ATP8A2: variants seen among roughly 807,000 people sequenced by gnomAD.
ATP8A2 encodes phospholipid-transporting ATPase IB.
In ATP8A2, 100 loss-of-function variants were observed where a neutral mutation model predicts 165.6. That is an observed-to-expected ratio of 0.60 (90% CI 0.51 to 0.71). ATP8A2 has a LOEUF of 0.71. Among genes scored for constraint, ATP8A2 ranks in the 30% least tolerant of loss-of-function variants. ATP8A2 has a pLI of 0.00. For missense variants in ATP8A2, 1,227 were observed against 1,479.5 expected (o/e 0.83, Z 2.80); for synonymous variants, 543 against 548.8 (o/e 0.99, Z 0.15).
At chr13:25,867,676 G>A (rs1418101987) in intron 33 of ATP8A2, among the ~76,000 whole-genome samples, 2 of 152,164 alleles carry the variant, frequency 1.3e-5, no homozygotes, top group Non-Finnish European at 2.9e-5. Flanking sequence ...CTGCCACAGT[G>A]AGCGGGTCAG....
intron 24 of ATP8A2, among the ~76,000 whole-genome samples, chr13:25,615,270 G>T (rs1386871705): frequency 1.3e-5 from 2 of 152,164 alleles, no homozygotes; most frequent in Admixed American, 6.5e-5. Flanking sequence ...TTCCCAGGGG[G>T]ATTATGGCTG....
At chr13:25,551,651 A>G in intron 11 of ATP8A2, 148 bp downstream of exon 11, 1 of 670,886 alleles carries the variant, frequency 1.5e-6, no homozygotes, top group Non-Finnish European at 2.4e-6. Context: ...GAGAATTGAG[A>G]TTAGGATCAT....
rs1955834701 is a variant in ATP8A2 at position 25,968,501 on chromosome 13, G to A, written c.3273-74G>A. 5.2e-6 allele frequency: 7 copies of A among 1,336,564 alleles called. No individual in the cohort carries two copies. In the Admixed American group the frequency reaches 1.4e-4, roughly 26 times the overall value. 82.8% of individuals were successfully genotyped at this position (1,336,564 alleles called of 1,614,324 possible). On this transcript the variant is annotated intron_variant, in intron 34 of 36. Coordinates refer to ENST00000381655, the MANE Select transcript of ATP8A2 (RefSeq NM_016529.6). ...AAGGGCATTTGGCTGTGGCCTGAGA[G>A]GGGAGCGGCCTGTCTTTCCCAGCTG...
intron 24 of ATP8A2, among the ~76,000 whole-genome samples, chr13:25,599,676 C>T (rs1202815705): frequency 6.6e-6 from 1 of 152,120 alleles, no homozygotes; most frequent in Non-Finnish European, 1.5e-5. Context: ...TCCAGGGAAA[C>T]TTAGCTGGAT....
In ATP8A2 at chr13:25,968,676, A is replaced by G. The variant is rs1955842368; in HGVS notation, c.3374A>G (p.Lys1125Arg). Reference sequence around the variant, plus strand: ...GCGGTGCTGCGGGATAGCAATGGAAAGAGGTGGGGAACTCCGTCCCAGTCC... The same window carrying G: ...GCGGTGCTGCGGGATAGCAATGGAAGGAGGTGGGGAACTCCGTCCCAGTCC... Reference protein sequence around the residue: ...GKAVLRDSNGKRLNERDRLIK... With the variant: ...GKAVLRDSNGRRLNERDRLIK... The change falls in exon 35 of 37, where the codon AAG becomes AGG. Residue 1125 changes from lysine (K) to arginine (R), a missense_variant. Lys to Arg is a conservative substitution (Grantham distance 26). Coordinates refer to ENST00000381655, the MANE Select transcript of ATP8A2 (RefSeq NM_016529.6). 6.2e-7 allele frequency: 1 copy of G among 1,612,416 alleles called. No individual in the cohort carries two copies. Among genetic ancestry groups the G allele is most frequent in the Admixed American group, 1.7e-5 (1 of 59,916 alleles).
At chr13:25,525,904 T>A (rs1322812776) in intron 2 of ATP8A2, among the ~76,000 whole-genome samples, 6 of 152,188 alleles carry the variant, frequency 3.9e-5, no homozygotes, top group Non-Finnish European at 8.8e-5. Context: ...TACTCCTTGC[T>A]CTTGTTTAAC....
At chr13:25,966,419 G>A (rs1955778719) in intron 34 of ATP8A2, among the ~76,000 whole-genome samples, 1 of 152,130 alleles carries the variant, frequency 6.6e-6, no homozygotes, top group African/African-American at 2.4e-5. Context: ...TTTAGACAGG[G>A]GAGATTTTAG....
chr13:25,738,224 C>A (rs976928742), intron 25 of ATP8A2, among the ~76,000 whole-genome samples: 2 of 152,140 alleles, frequency 1.3e-5, no homozygotes. Context: ...AGGCTTCTCA[C>A]AGGTAGAGTA....
In ATP8A2 at chr13:26,025,016, C is replaced by A. The variant is rs1957140904; in HGVS notation, c.*5031C>A. 6.7e-6 allele frequency: 1 copy of A among 149,484 alleles called. No individual in the cohort carries two copies. The highest frequency in any genetic ancestry group is 2.5e-5 in the African/African-American group (1 of 40,438). 9.3% of individuals were successfully genotyped at this position (149,484 alleles called of 1,614,324 possible). ...GGAAAGAGGGAGAGAGCCCAGAGAG[C>A]AGGCTGCGAACTCACTTCCAATGGG... On this transcript the variant is annotated 3_prime_UTR_variant, in exon 37 of 37. Coordinates refer to ENST00000381655, the MANE Select transcript of ATP8A2 (RefSeq NM_016529.6).
intron 24 of ATP8A2, among the ~76,000 whole-genome samples, chr13:25,626,613 T>C (rs1171030733): frequency 6.6e-6 from 1 of 152,142 alleles, no homozygotes; most frequent in East Asian, 1.9e-4. Context: ...GACGAATGAA[T>C]AAGATAGCAT....
chr13:25,937,362 C>CTTTTTTTTTTTTTTTTTTTTT (rs1555293658), intron 33 of ATP8A2, among the ~76,000 whole-genome samples: 4 of 38,804 alleles, frequency 1.0e-4, no homozygotes, highest in African/African-American at 6.8e-5. Context: ...TTCTTTCTTT[C>CTTTTTTTTTTTTTTTTTTTTT]TTTTTTTTTT....
At chr13:25,580,238 T>C (rs1384055001) in intron 22 of ATP8A2, among the ~76,000 whole-genome samples, 1 of 152,246 alleles carries the variant, frequency 6.6e-6, no homozygotes, top group Non-Finnish European at 1.5e-5. Flanking sequence ...TTAATGAGAT[T>C]AACTCACGCT....
At chr13:25,567,010 A>C in intron 16 of ATP8A2, 1 of 226,138 alleles carries the variant, frequency 4.4e-6, no homozygotes, top group South Asian at 6.0e-5. Context: ...GTGTATTTGC[A>C]CTGACATAAA....
chr13:25,473,587 A>G (rs543608232), intron 2 of ATP8A2, among the ~76,000 whole-genome samples: 1 of 152,296 alleles, frequency 6.6e-6, no homozygotes, highest in Non-Finnish European at 1.5e-5. Flanking sequence ...TTTTTAATAT[A>G]TTCATTGTGC....
At chr13:25,747,262 G>A (rs930825101) in intron 25 of ATP8A2, among the ~76,000 whole-genome samples, 3 of 152,174 alleles carry the variant, frequency 2.0e-5, no homozygotes, top group East Asian at 3.9e-4. Context: ...GAGCCATAGC[G>A]CTTGAGCAGG....
chr13:25,669,047 G>A (rs891607333), intron 24 of ATP8A2, among the ~76,000 whole-genome samples: 1 of 151,906 alleles, frequency 6.6e-6, no homozygotes, highest in South Asian at 2.1e-4. Flanking sequence ...TTGGGGAATA[G>A]TTTCTGTCAA....
At chr13:25,520,578 A>G (rs1262207330) in intron 2 of ATP8A2, among the ~76,000 whole-genome samples, 1 of 148,612 alleles carries the variant, frequency 6.7e-6, no homozygotes, top group Non-Finnish European at 1.5e-5. Context: ...ATTATATGGC[A>G]TTCCTATTTT....
chr13:25,501,685 A>G (rs934898665), intron 2 of ATP8A2, among the ~76,000 whole-genome samples: 1 of 152,234 alleles, frequency 6.6e-6, no homozygotes, highest in African/African-American at 2.4e-5. Flanking sequence ...TCTGTTATTT[A>G]TAATCAAATG....
intron 33 of ATP8A2, among the ~76,000 whole-genome samples, chr13:25,888,068 A>ACCCCCCCCCCCCCCCC (rs71080210): frequency 2.8e-5 from 3 of 105,580 alleles, no homozygotes; most frequent in Admixed American, 1.0e-4. Flanking sequence ...AAGAACCCAG[A>ACCCCCCCCCCCCCCCC]CCCCCCCCCC....
Sources: allele counts gnomAD v4.1 joint callset (sites outside exome capture counted in the v4.1 genomes callset), GRCh38; gene constraint gnomAD v4.1.1; transcripts MANE v1.5; gene names NCBI Gene and HGNC (gene_info 2026-07-23, HGNC 2026-07-21).